Variants in KIRREL3 observed in about 807,000 individuals in gnomAD.
KIRREL3 encodes kin of IRRE-like protein 3.
KIRREL3 carries 36 observed loss-of-function variants against 89.7 expected under a neutral mutation model. The ratio of observed to expected loss-of-function variants is 0.40; its 90% CI spans 0.31 to 0.53. The LOEUF is 0.53. Ranked by LOEUF, KIRREL3 falls within the 20% of genes least tolerant of loss-of-function variation. KIRREL3 has a pLI of 0.49. For synonymous variants in KIRREL3, 445 were observed against 441.4 expected, an observed-to-expected ratio of 1.01 and a Z score of -0.10; for missense variants, 864 against 1,056.6, an observed-to-expected ratio of 0.82 and a Z score of 2.53.
At chr11:126,975,571 A>G (rs1949543080) in intron 1 of KIRREL3, among the ~76,000 whole-genome samples, 1 of 152,106 alleles carries the variant, frequency 6.6e-6, no homozygotes. Context: ...CTCTCCACAT[A>G]AAAGAGGCTT....
chr11:126,896,451 A>G lies in KIRREL3; in HGVS notation c.55+104004T>C, dbSNP rs1255367224. ...CTGTTGAGATGCCCATGCCCTTTCC[A>G]GAGCTACAGACAGGCATGCTGTCAT... On this transcript the variant is annotated intron_variant, in intron 1 of 16. Transcript: ENST00000525144. The surrounding 1 kb of genome is among the most constrained non-coding windows in gnomAD (Gnocchi z 4.1). Among the ~76,000 whole-genome samples the G allele has an allele frequency of 5.3e-5, 8 of 152,226 alleles. No homozygotes were observed. The highest frequency in any genetic ancestry group is 1.0e-4 in the Non-Finnish European group (7 of 68,046).
At chr11:126,789,285 C>T (rs1189988305) in intron 1 of KIRREL3, among the ~76,000 whole-genome samples, 2 of 152,166 alleles carry the variant, frequency 1.3e-5, no homozygotes, top group African/African-American at 4.8e-5. Context: ...CCATCTCCTT[C>T]GCCTTCTCAA....
At chr11:126,880,747 T>C (rs1242417445) in intron 1 of KIRREL3, among the ~76,000 whole-genome samples, 1 of 152,130 alleles carries the variant, frequency 6.6e-6, no homozygotes, top group Non-Finnish European at 1.5e-5. Context: ...AGTATATTTA[T>C]GGAAAGCTAA....
intron 1 of KIRREL3, among the ~76,000 whole-genome samples, chr11:126,580,523 G>A (rs1469857842): frequency 1.3e-5 from 2 of 152,234 alleles, no homozygotes; most frequent in African/African-American, 4.8e-5. Flanking sequence ...AGAAAGGTCA[G>A]TGGAGGCATA....
intron 1 of KIRREL3, among the ~76,000 whole-genome samples, chr11:126,793,865 A>C (rs2134367512): frequency 6.6e-6 from 1 of 152,310 alleles, no homozygotes; most frequent in African/African-American, 2.4e-5. Flanking sequence ...TTTGCAATCC[A>C]AATACACATG....
At chr11:126,700,619 C>T (rs1250583262) in intron 1 of KIRREL3, among the ~76,000 whole-genome samples, 1 of 152,236 alleles carries the variant, frequency 6.6e-6, no homozygotes, top group African/African-American at 2.4e-5. Flanking sequence ...GCCTCCTAGC[C>T]TTTCTGGCGG....
intron 1 of KIRREL3, among the ~76,000 whole-genome samples, chr11:126,603,285 G>A (rs1306932124): frequency 2.0e-5 from 3 of 152,294 alleles, no homozygotes; most frequent in Non-Finnish European, 2.9e-5. Context: ...TGCCAGCCTC[G>A]GTGCCCTCCT....
rs1349637703 is a variant in KIRREL3 at position 126,558,185 on chromosome 11, G to T, written c.133+4650C>A. ...GGCTGAAGGGGAGGTCAAAACTTCG[G>T]TGCCTCTGCTTCTTCCCTCCTTTAA... On this transcript the variant is annotated intron_variant, in intron 2 of 16. Transcript: ENST00000525144. The surrounding 1 kb of genome is among the most constrained non-coding windows in gnomAD (Gnocchi z 4.0). Among the ~76,000 whole-genome samples, 1 of 152,092 alleles carries T rather than the reference G, an allele frequency of 6.6e-6. No individual in the cohort carries two copies. Among genetic ancestry groups the T allele is most frequent in the Non-Finnish European group, 1.5e-5 (1 of 68,020 alleles).
chr11:126,902,622 A>G (rs932329735), intron 1 of KIRREL3, among the ~76,000 whole-genome samples: 4 of 152,220 alleles, frequency 2.6e-5, no homozygotes. Flanking sequence ...GGATACAGAG[A>G]AGTGTGCGTC....
In KIRREL3 at chr11:126,423,363, G is replaced by A. The variant is rs954641051; in HGVS notation, c.*1217C>T. ...AGGTTTAATTGCCACCACAATCAGA[G>A]CTATCAACTGCCTTTATTGTCTAGG... On this transcript the variant is annotated 3_prime_UTR_variant, in exon 17 of 17. Coordinates refer to ENST00000525144, the MANE Select transcript of KIRREL3 (RefSeq NM_032531.4). 6.6e-6 allele frequency: 1 copy of A among 152,184 alleles called. No homozygotes were observed. Among genetic ancestry groups the A allele is most frequent in the Non-Finnish European group, 1.5e-5 (1 of 68,028 alleles). 9.4% of individuals were successfully genotyped at this position (152,184 alleles called of 1,614,324 possible).
chr11:126,945,512 T>C (rs974078778), intron 1 of KIRREL3, among the ~76,000 whole-genome samples: 1 of 152,184 alleles, frequency 6.6e-6, no homozygotes, highest in African/African-American at 2.4e-5. Context: ...ATGCTTGCAA[T>C]TTAGCAAATC....
intron 1 of KIRREL3, among the ~76,000 whole-genome samples, chr11:126,681,242 C>A (rs1194247122): frequency 1.3e-5 from 2 of 152,298 alleles, no homozygotes; most frequent in Non-Finnish European, 2.9e-5. Context: ...AGACCAGAAG[C>A]CATGTGTTTT....
chr11:126,780,556 C>T lies in KIRREL3; in HGVS notation c.56-217644G>A, dbSNP rs1389810280. On this transcript the variant is annotated intron_variant, in intron 1 of 16. Coordinates refer to ENST00000525144, the MANE Select transcript of KIRREL3 (RefSeq NM_032531.4). This position sits in a 1 kb window ranked among gnomAD's most constrained non-coding sequence, Gnocchi z 5.3. The stretch of plus-strand genomic sequence containing the variant: ...GCTGAGATTTCTCATCAGTATATAT[C>T]TTCCCCGAGCAGCCTCTTGACAGAA... Among the ~76,000 whole-genome samples, 1 of 152,160 alleles carries T rather than the reference C, an allele frequency of 6.6e-6. No homozygotes were observed. The highest frequency in any genetic ancestry group is 6.5e-5 in the Admixed American group (1 of 15,282).
chr11:126,696,334 C>T lies in KIRREL3; in HGVS notation c.56-133422G>A, dbSNP rs1947095123. Among the ~76,000 whole-genome samples the T allele has an allele frequency of 6.6e-6, 1 of 151,716 alleles. No homozygotes were observed. The highest frequency in any genetic ancestry group is 6.6e-5 in the Admixed American group (1 of 15,232). ...ATTAACCCTTCTCCCTTTCTTTGAC[C>T]CTTCTCCTCCTTGGTTGCCTTGTGT... On this transcript the variant is annotated intron_variant, in intron 1 of 16. Transcript: ENST00000525144. The surrounding 1 kb of genome is among the most constrained non-coding windows in gnomAD (Gnocchi z 4.4).
At chr11:126,893,261 T>A (rs572719304) in intron 1 of KIRREL3, among the ~76,000 whole-genome samples, 1 of 152,328 alleles carries the variant, frequency 6.6e-6, no homozygotes, top group Admixed American at 6.5e-5. Flanking sequence ...CCCCGGAACG[T>A]CCGTCATGCA....
At position 126,615,464 on chromosome 11, in the gene KIRREL3, A is replaced by C. The variant is rs909539860; in HGVS notation, c.56-52552T>G. Among the ~76,000 whole-genome samples, 14 of 152,322 alleles carry C rather than the reference A, an allele frequency of 9.2e-5. No homozygotes were observed. The East Asian group carries it at 1.7e-3, about 19-fold the overall frequency. On this transcript the variant is annotated intron_variant, in intron 1 of 16. Transcript: ENST00000525144. This position sits in a 1 kb window ranked among gnomAD's most constrained non-coding sequence, Gnocchi z 5.4. ...GCTTTGGGAGGTTAAGGAATGGGCAAAATCACAGCCAGTAGGTAGCAGAGG... is the reference window on the plus strand; with the variant it reads ...GCTTTGGGAGGTTAAGGAATGGGCACAATCACAGCCAGTAGGTAGCAGAGG...
At position 126,601,013 on chromosome 11, in the gene KIRREL3, C is replaced by T. The variant is rs933929050; in HGVS notation, c.56-38101G>A. Among the ~76,000 whole-genome samples, 22 of 152,176 alleles carry T rather than the reference C, an allele frequency of 1.4e-4. No individual in the cohort carries two copies. Among genetic ancestry groups the T allele is most frequent in the Admixed American group, 2.0e-4 (3 of 15,270 alleles). ...GAAGGTCAGCATCCAGTGACCTTTT[C>T]AGGAAATTACCCAGGATTTCACAAT... On this transcript the variant is annotated intron_variant, in intron 1 of 16. Coordinates refer to ENST00000525144, the MANE Select transcript of KIRREL3 (RefSeq NM_032531.4). The surrounding 1 kb of genome is among the most constrained non-coding windows in gnomAD (Gnocchi z 5.8).
chr11:126,854,887 C>G (rs563328110), intron 1 of KIRREL3, among the ~76,000 whole-genome samples: 1 of 152,318 alleles, frequency 6.6e-6, no homozygotes, highest in East Asian at 1.9e-4. Flanking sequence ...ATTTCAATCT[C>G]TTTCTCTCTA....
chr11:126,556,445 A>C (rs999449968), intron 2 of KIRREL3, among the ~76,000 whole-genome samples: 4 of 152,158 alleles, frequency 2.6e-5, no homozygotes, highest in Non-Finnish European at 5.9e-5. Flanking sequence ...GTTTGAGACC[A>C]GTCTGGGCAA....
Sources: gnomAD v4.1 joint callset for allele counts (sites outside exome capture counted in the v4.1 genomes callset) on GRCh38, gnomAD v4.1.1 for gene constraint, Gnocchi (gnomAD v3.1) non-coding constraint, MANE v1.5 for transcripts, NCBI Gene and HGNC (gene_info 2026-07-23, HGNC 2026-07-21) for gene names.